KIAA1217: variants seen among roughly 807,000 people sequenced by gnomAD.
KIAA1217 encodes the protein sickle tail protein homolog.
Under a neutral mutation model 163.9 loss-of-function variants are expected in KIAA1217, and 88 were observed. The observed-to-expected ratio is 0.54, with a 90% CI of 0.45 to 0.64. KIAA1217 has a LOEUF of 0.64. KIAA1217 is among the 30% of genes least tolerant of loss of function. KIAA1217 has a pLI of 0.00. For synonymous variants in KIAA1217, 903 were observed against 923.1 expected, an observed-to-expected ratio of 0.98 and a Z score of 0.39; for missense variants, 2,372 against 2,475.0, an observed-to-expected ratio of 0.96 and a Z score of 0.88.
At chr10:23,829,638 C>T (rs559099638) in intron 1 of KIAA1217, among the ~76,000 whole-genome samples, 1 of 152,264 alleles carries the variant, frequency 6.6e-6, no homozygotes, top group South Asian at 2.1e-4. Context: ...CATGTTCTCT[C>T]TTTCCAAACT....
rs74646674 is a variant in KIAA1217, at chr10:24,475,821, T to C, written c.1679+1761T>C. 3.4e-3 allele frequency among the ~76,000 whole-genome samples: 513 copies of C among 152,336 alleles called. 2 individuals are homozygous for C. Among genetic ancestry groups the C allele is most frequent in the African/African-American group, 0.012 (488 of 41,586 alleles). ...GTGCGATAAGTCTTGGAAGCCTGTG[T>C]TGCATACTTCACAGAAAGGATAACA... On this transcript the variant is annotated intron_variant, in intron 6 of 20. Coordinates refer to ENST00000376454, the MANE Select transcript of KIAA1217 (RefSeq NM_019590.5).
chr10:24,442,388 A>C (rs1564688136), intron 5 of KIAA1217, among the ~76,000 whole-genome samples: 1 of 151,944 alleles, frequency 6.6e-6, no homozygotes, highest in Non-Finnish European at 1.5e-5. Flanking sequence ...TTTTTATCTG[A>C]ACCTTTGCAC....
intron 1 of KIAA1217, among the ~76,000 whole-genome samples, chr10:23,974,011 G>T (rs1447092760): frequency 6.6e-6 from 1 of 152,150 alleles, no homozygotes; most frequent in Non-Finnish European, 1.5e-5. Context: ...GACTGCTTTG[G>T]AATACAATTT....
At chr10:24,393,419 C>A (rs917924223) in intron 3 of KIAA1217, among the ~76,000 whole-genome samples, 1 of 152,238 alleles carries the variant, frequency 6.6e-6, no homozygotes, top group Admixed American at 6.5e-5. Context: ...CAGGGAGGAG[C>A]CAGACTTTCC....
At chr10:24,531,121 C>A (rs1279314092) in intron 14 of KIAA1217, among the ~76,000 whole-genome samples, 1 of 152,156 alleles carries the variant, frequency 6.6e-6, no homozygotes, top group Non-Finnish European at 1.5e-5. Flanking sequence ...GGGAGGATCA[C>A]CTGAGCCCCG....
At chr10:24,137,402 T>G (rs1194543789) in intron 2 of KIAA1217, among the ~76,000 whole-genome samples, 3 of 152,226 alleles carry the variant, frequency 2.0e-5, no homozygotes, top group African/African-American at 7.2e-5. Flanking sequence ...GAGATTGCTG[T>G]CTTCTTGGTG....
chr10:23,726,524 A>G (rs960891718), intron 1 of KIAA1217, among the ~76,000 whole-genome samples: 1 of 152,132 alleles, frequency 6.6e-6, no homozygotes, highest in African/African-American at 2.4e-5. Flanking sequence ...CACCAAACAC[A>G]ATGGCAACAA....
rs150270635 is a variant in KIAA1217 at position 24,524,665 on chromosome 10, G to T, written c.2799G>T (p.Pro933=). The T allele has an allele frequency of 6.2e-7, 1 of 1,614,132 alleles. No individual in the cohort carries two copies. Among genetic ancestry groups the T allele is most frequent in the Non-Finnish European group, 8.5e-7 (1 of 1,180,022 alleles). Residue 933 remains proline (P), a synonymous_variant, in exon 13 of 21, where the codon CCG becomes CCT. Transcript: ENST00000376454. ...CCACTCTGCAGATGTCGCAGGCTCC[G>T]CAGTCCCCACAGATACCCATGAATG... ...ATSTLQMSQA[P]QSPQIPMNGS... is the part of the protein sequence containing the mutation.
At chr10:23,885,334 T>G (rs115666291) in intron 1 of KIAA1217, among the ~76,000 whole-genome samples, 97 of 152,052 alleles carry the variant, frequency 6.4e-4, no homozygotes, top group African/African-American at 2.3e-3. Context: ...TTATTAAGTA[T>G]AGTCCTCATG....
At chr10:23,893,359 G>C (rs1002015485) in intron 1 of KIAA1217, among the ~76,000 whole-genome samples, 1 of 151,842 alleles carries the variant, frequency 6.6e-6, no homozygotes, top group African/African-American at 2.4e-5. Context: ...ATTTTTTATT[G>C]CATCTATTTG....
rs1428105460 is a variant in KIAA1217, at chr10:24,409,984, CTTTTTCT to C, written c.554-22998_554-22992del. ...ATCACAATTTCTTTTCTTTTCTTTT[CTTTTTCT>C]TTTTTCTTTTTTTTTTTTTTTTTGA... On this transcript the variant is annotated intron_variant, in intron 3 of 20. Coordinates refer to ENST00000376454, the MANE Select transcript of KIAA1217 (RefSeq NM_019590.5). Among the ~76,000 whole-genome samples the C allele has an allele frequency of 3.4e-3, 487 of 141,594 alleles. 2 individuals carry two copies. The highest frequency in any genetic ancestry group is 0.012 in the African/African-American group (466 of 39,076). The allele number at this position is 141,594 out of a possible 152,430, so 92.9% of individuals were successfully genotyped here.
chr10:24,305,547 TG>T (rs2041914424), intron 2 of KIAA1217, among the ~76,000 whole-genome samples: 2 of 152,184 alleles, frequency 1.3e-5, no homozygotes, highest in Non-Finnish European at 2.9e-5. Flanking sequence ...TGCTTTAAAC[TG>T]TAAACTAAAT....
At chr10:24,130,325 A>C (rs1481262230) in intron 2 of KIAA1217, among the ~76,000 whole-genome samples, 1 of 152,148 alleles carries the variant, frequency 6.6e-6, no homozygotes, top group East Asian at 1.9e-4. Context: ...AAGCATCACG[A>C]TTTCCTATGT....
At chr10:24,464,136 A>C (rs1216506330) in intron 5 of KIAA1217, among the ~76,000 whole-genome samples, 2 of 152,138 alleles carry the variant, frequency 1.3e-5, no homozygotes, top group African/African-American at 4.8e-5. Context: ...GTTCATTAGC[A>C]GGTACTCTGG....
At chr10:24,161,150 G>T (rs925238932) in intron 2 of KIAA1217, among the ~76,000 whole-genome samples, 2 of 152,154 alleles carry the variant, frequency 1.3e-5, no homozygotes, top group Non-Finnish European at 2.9e-5. Flanking sequence ...TTTAAATTTA[G>T]CTGGGTCTTA....
chr10:23,897,302 G>A (rs1841749067), intron 1 of KIAA1217, among the ~76,000 whole-genome samples: 1 of 151,994 alleles, frequency 6.6e-6, no homozygotes, highest in South Asian at 2.1e-4. Flanking sequence ...TCTATTTGTA[G>A]CTTCATCTGC....
chr10:23,760,520 C>T (rs1349979481), intron 1 of KIAA1217, among the ~76,000 whole-genome samples: 1 of 152,188 alleles, frequency 6.6e-6, no homozygotes. Context: ...TGAATTCTAG[C>T]AGTCGCAGTA....
chr10:24,374,618 A>G (rs1334470233), intron 2 of KIAA1217, among the ~76,000 whole-genome samples: 1 of 152,162 alleles, frequency 6.6e-6, no homozygotes, highest in East Asian at 1.9e-4. Context: ...TGTATTTTAG[A>G]ATCATGGGTG....
intron 2 of KIAA1217, among the ~76,000 whole-genome samples, chr10:24,149,421 G>A (rs967628667): frequency 2.0e-5 from 3 of 151,552 alleles, no homozygotes; most frequent in Admixed American, 6.6e-5. Flanking sequence ...TGACCTCGAG[G>A]GATCTGCCCA....
Sources: gnomAD v4.1 joint callset for allele counts (sites outside exome capture counted in the v4.1 genomes callset) on GRCh38, gnomAD v4.1.1 for gene constraint, MANE v1.5 for transcripts, NCBI Gene and HGNC (gene_info 2026-07-23, HGNC 2026-07-21) for gene names.